Variants in GLYATL2 observed in about 807,000 individuals in gnomAD.
The protein encoded by GLYATL2 is glycine-N-acyltransferase like 2.
In GLYATL2, 25 loss-of-function variants were observed where a neutral mutation model predicts 21.4. That is an observed-to-expected ratio of 1.17 (90% confidence interval 0.85 to 1.63). The LOEUF is 1.63. Ranked by LOEUF, GLYATL2 falls within the 40% of genes most tolerant of loss-of-function variation. The pLI, the probability that GLYATL2 is intolerant of heterozygous loss-of-function variation, is 0.00. For synonymous variants in GLYATL2, 114 were observed against 118.2 expected, an observed-to-expected ratio of 0.96 and a Z score of 0.23; for missense variants, 361 against 343.3, an observed-to-expected ratio of 1.05 and a Z score of -0.41.
chr11:58,875,479 G>A (rs940237994), intron 1 of GLYATL2, among the ~76,000 whole-genome samples: 3 of 152,172 alleles, frequency 2.0e-5, no homozygotes, highest in African/African-American at 7.2e-5. Context: ...TTTTAGGGCA[G>A]GCCTGGTGGT....
At chr11:58,875,351 T>G (rs542590131) in intron 1 of GLYATL2, among the ~76,000 whole-genome samples, 11 of 152,362 alleles carry the variant, frequency 7.2e-5, no homozygotes, top group Admixed American at 4.6e-4. Flanking sequence ...GCTGGTTATT[T>G]TGCTTGTTAG....
chr11:58,838,427 A>C lies in GLYATL2; in HGVS notation c.79-59T>G, dbSNP rs552398211. On this transcript the variant is annotated intron_variant, in intron 2 of 5. Transcript: ENST00000287275. The stretch of plus-strand genomic sequence containing the variant: ...AAGTTCTTCTCCAATATAGAGTCTT[A>C]TATGTGGAGAAATAAGACATGACAT... 1.5e-4 allele frequency: 159 copies of C among 1,054,578 alleles called. No individual in the cohort carries two copies. In the South Asian group the frequency reaches 2.0e-3, roughly 14 times the overall value. The allele number at this position is 1,054,578 out of a possible 1,614,324, so 65.3% of individuals were successfully genotyped here.
intron 1 of GLYATL2, among the ~76,000 whole-genome samples, chr11:58,866,059 A>G (rs1438373383): frequency 1.3e-5 from 2 of 148,804 alleles, no homozygotes. Flanking sequence ...TGATCTAGCT[A>G]AAACCATATA....
intron 1 of GLYATL2, among the ~76,000 whole-genome samples, chr11:58,896,157 CTCTTT>C (rs1022352228): frequency 7.9e-5 from 12 of 152,234 alleles, no homozygotes; most frequent in Middle Eastern, 3.4e-3. Flanking sequence ...ACCTGGCCTC[CTCTTT>C]TCTTTTCTGT....
At chr11:58,868,354 A>G (rs1175852620) in intron 1 of GLYATL2, among the ~76,000 whole-genome samples, 1 of 148,800 alleles carries the variant, frequency 6.7e-6, no homozygotes. Flanking sequence ...AGATGATCCC[A>G]TCCAGACAAT....
upstream of GLYATL2, among the ~76,000 whole-genome samples, chr11:58,845,542 G>A (rs1313553769): frequency 2.0e-5 from 3 of 152,078 alleles, no homozygotes; most frequent in Non-Finnish European, 2.9e-5. Flanking sequence ...ACTTGAGATC[G>A]CAGTAAGCTA....
At chr11:58,868,634 G>T (rs1854059620) in intron 1 of GLYATL2, among the ~76,000 whole-genome samples, 1 of 148,926 alleles carries the variant, frequency 6.7e-6, no homozygotes, top group Admixed American at 6.9e-5. Context: ...ACAGATTTTG[G>T]TTCTCTGACC....
intron 1 of GLYATL2, among the ~76,000 whole-genome samples, chr11:58,860,890 G>A (rs536963474): frequency 1.3e-5 from 2 of 151,842 alleles, no homozygotes; most frequent in Non-Finnish European, 2.9e-5. Context: ...GTTAATGTGG[G>A]ATTTCACATT....
chr11:58,872,734 G>A (rs866930680), intron 1 of GLYATL2, among the ~76,000 whole-genome samples: 3 of 152,204 alleles, frequency 2.0e-5, no homozygotes, highest in Non-Finnish European at 2.9e-5. Flanking sequence ...CTCCAGCTTT[G>A]TTCTTTTGGC....
At chr11:58,845,341 C>A (rs1266512507), upstream of GLYATL2, among the ~76,000 whole-genome samples, 2 of 152,118 alleles carry the variant, frequency 1.3e-5, no homozygotes, top group Non-Finnish European at 2.9e-5. Context: ...TGGCTCACAT[C>A]GGTAATACCA....
intron 1 of GLYATL2, 92 bp from the exon 2 acceptor site, chr11:58,839,744 C>A (rs1590714407): frequency 1.7e-6 from 1 of 602,174 alleles, no homozygotes; most frequent in East Asian, 2.7e-5. Flanking sequence ...GGACATCATA[C>A]ACTATTAGCA....
At chr11:58,851,184 C>T (rs1475593014) in intron 1 of GLYATL2, among the ~76,000 whole-genome samples, 2 of 152,080 alleles carry the variant, frequency 1.3e-5, no homozygotes, top group Non-Finnish European at 2.9e-5. Context: ...CTACTGGTCT[C>T]CGCATCTTGG....
chr11:58,898,849 A>T (rs112432853), intron 1 of GLYATL2, among the ~76,000 whole-genome samples: 2 of 152,032 alleles, frequency 1.3e-5, no homozygotes, highest in African/African-American at 4.8e-5. Flanking sequence ...AATAAAATAA[A>T]ATTCTTTCTC....
upstream of GLYATL2, among the ~76,000 whole-genome samples, chr11:58,849,056 G>T (rs1853692641): frequency 6.6e-6 from 1 of 152,060 alleles, no homozygotes; most frequent in African/African-American, 2.4e-5. Flanking sequence ...AAGTGCTGAA[G>T]GAAAAATACC....
At chr11:58,865,213 T>A (rs2134598102) in intron 1 of GLYATL2, among the ~76,000 whole-genome samples, 1 of 149,022 alleles carries the variant, frequency 6.7e-6, no homozygotes, top group African/African-American at 2.4e-5. Flanking sequence ...TCATGAAGTG[T>A]GACTTGTATT....
chr11:58,847,871 C>G (rs755891887), upstream of GLYATL2, among the ~76,000 whole-genome samples: 12 of 152,260 alleles, frequency 7.9e-5, no homozygotes, highest in Admixed American at 4.6e-4. Flanking sequence ...TTACAGCAGG[C>G]CTTGGTCAAG....
chr11:58,904,997 G>A (rs1854827932), upstream of GLYATL2, among the ~76,000 whole-genome samples: 1 of 152,332 alleles, frequency 6.6e-6, no homozygotes, highest in South Asian at 2.1e-4. Context: ...ACAGTAAGAT[G>A]TTTTCTCAAG....
intron 1 of GLYATL2, among the ~76,000 whole-genome samples, chr11:58,888,481 T>C (rs1354422512): frequency 6.6e-6 from 1 of 152,058 alleles, no homozygotes; most frequent in African/African-American, 2.4e-5. Flanking sequence ...ACTTGGAATA[T>C]ATTTTTGAAT....
intron 1 of GLYATL2, among the ~76,000 whole-genome samples, chr11:58,902,441 G>A (rs1854756401): frequency 6.6e-6 from 1 of 152,242 alleles, no homozygotes; most frequent in South Asian, 2.1e-4. Context: ...CTCATTCTCT[G>A]TGATATACTC....
Sources: allele counts gnomAD v4.1 joint callset (sites outside exome capture counted in the v4.1 genomes callset), GRCh38; gene constraint gnomAD v4.1.1; transcripts MANE v1.5; gene names NCBI Gene and HGNC (gene_info 2026-07-23, HGNC 2026-07-21).